ESRRG: variants seen among roughly 807,000 people sequenced by gnomAD.
The protein encoded by ESRRG is estrogen related receptor gamma, also known as estrogen-related receptor gamma.
A neutral mutation model predicts 44.0 loss-of-function variants in ESRRG; 13 were observed. The observed-to-expected ratio is 0.30, with a 90% confidence interval of 0.19 to 0.47. ESRRG has a LOEUF of 0.47. ESRRG is among the 20% of genes least tolerant of loss of function. ESRRG has a pLI of 1.00. For synonymous variants in ESRRG, 215 were observed against 214.6 expected (o/e 1.00, Z -0.02); for missense variants, 395 against 580.6 (o/e 0.68, Z 3.29).
intron 2 of ESRRG, among the ~76,000 whole-genome samples, chr1:216,807,757 G>A (rs2094843428): frequency 1.3e-5 from 2 of 152,016 alleles, no homozygotes. Context: ...TCTTTACAGG[G>A]AGTAGATGGG....
intron 2 of ESRRG, among the ~76,000 whole-genome samples, chr1:216,767,427 G>A (rs2093139297): frequency 6.6e-6 from 1 of 152,066 alleles, no homozygotes; most frequent in African/African-American, 2.4e-5. Flanking sequence ...CACCTGCAAT[G>A]TTTATCATGG....
intron 1 of ESRRG, among the ~76,000 whole-genome samples, chr1:217,136,842 A>G (rs2093056827): frequency 6.6e-6 from 1 of 152,182 alleles, no homozygotes. Context: ...CGCTAAATTT[A>G]TCCTGAATGT....
chr1:217,022,905 G>A (rs2080583284), intron 1 of ESRRG, among the ~76,000 whole-genome samples: 1 of 152,102 alleles, frequency 6.6e-6, no homozygotes, highest in Non-Finnish European at 1.5e-5. Context: ...GGCAGGAAAG[G>A]AGGCAGACTA....
At chr1:216,670,616 A>G (rs2074977842) in intron 2 of ESRRG, among the ~76,000 whole-genome samples, 2 of 152,200 alleles carry the variant, frequency 1.3e-5, no homozygotes, top group Non-Finnish European at 2.9e-5. Context: ...CCACAAGCCC[A>G]TGGAAGTGCC....
At chr1:216,827,622 A>T (rs1576995169) in intron 2 of ESRRG, among the ~76,000 whole-genome samples, 2 of 152,164 alleles carry the variant, frequency 1.3e-5, no homozygotes, top group African/African-American at 4.8e-5. Context: ...AATTCATTTG[A>T]CCTCTTAAAT....
At chr1:216,586,193 C>T (rs12123789) in intron 3 of ESRRG, among the ~76,000 whole-genome samples, 30,202 of 152,036 alleles carry the variant, frequency 0.2, 3,797 homozygotes, top group Non-Finnish European at 0.28. Context: ...ATGAACTTTT[C>T]CACCCTCCAG....
intron 2 of ESRRG, among the ~76,000 whole-genome samples, chr1:216,929,190 T>C (rs1307086429): frequency 6.6e-6 from 1 of 152,208 alleles, no homozygotes; most frequent in Admixed American, 6.5e-5. Context: ...ACCTGATTGT[T>C]TCAGAAGACA....
At chr1:217,031,925 A>C (rs1023879183) in intron 1 of ESRRG, among the ~76,000 whole-genome samples, 3 of 152,194 alleles carry the variant, frequency 2.0e-5, no homozygotes, top group Non-Finnish European at 2.9e-5. Flanking sequence ...TCTTTTCTTT[A>C]TAAATTACTC....
At chr1:216,738,750 C>G (rs1016281326) in intron 2 of ESRRG, among the ~76,000 whole-genome samples, 6 of 152,134 alleles carry the variant, frequency 3.9e-5, no homozygotes, top group Admixed American at 6.6e-5. Flanking sequence ...CTAGGACTCT[C>G]AAAACACTGG....
intron 2 of ESRRG, among the ~76,000 whole-genome samples, chr1:216,853,244 A>G (rs1482360990): frequency 6.6e-6 from 1 of 152,178 alleles, no homozygotes; most frequent in Non-Finnish European, 1.5e-5. Flanking sequence ...AAAAATGACA[A>G]GTCCTTCTGA....
intron 2 of ESRRG, among the ~76,000 whole-genome samples, chr1:216,850,107 T>A (rs1179949892): frequency 1.3e-5 from 2 of 152,136 alleles, no homozygotes; most frequent in African/African-American, 2.4e-5. Context: ...ATGAGCTAAA[T>A]ATTTTTACTG....
intron 1 of ESRRG, among the ~76,000 whole-genome samples, chr1:216,698,895 C>T (rs975399665): frequency 6.6e-6 from 1 of 152,106 alleles, no homozygotes; most frequent in South Asian, 2.1e-4. Flanking sequence ...CTAGCCTACG[C>T]CCACATGTAC....
At chr1:216,513,727 T>A (rs1221405265) in intron 6 of ESRRG, among the ~76,000 whole-genome samples, 1 of 152,100 alleles carries the variant, frequency 6.6e-6, no homozygotes, top group East Asian at 1.9e-4. Context: ...ACCTGCTAGG[T>A]CTTTTCTATT....
chr1:216,517,488 T>C (rs2044692742), intron 6 of ESRRG, among the ~76,000 whole-genome samples: 2 of 152,334 alleles, frequency 1.3e-5, no homozygotes, highest in South Asian at 2.1e-4. Flanking sequence ...TCAGCATTCA[T>C]GGTTAGTTAA....
chr1:217,012,107 C>G (rs2078706486), intron 1 of ESRRG, among the ~76,000 whole-genome samples: 1 of 151,958 alleles, frequency 6.6e-6, no homozygotes, highest in Admixed American at 6.6e-5. Context: ...TGGAGGGGAC[C>G]CATGAAAGTG....
chr1:216,616,424 G>A (rs1265497567), intron 3 of ESRRG, among the ~76,000 whole-genome samples: 3 of 152,168 alleles, frequency 2.0e-5, no homozygotes, highest in African/African-American at 4.8e-5. Context: ...TAAAAAACAA[G>A]CGTGTCTGAT....
At chr1:216,908,721 A>T (rs2059959393) in intron 2 of ESRRG, among the ~76,000 whole-genome samples, 1 of 152,068 alleles carries the variant, frequency 6.6e-6, no homozygotes, top group Admixed American at 6.6e-5. Flanking sequence ...ATTGGGCAAA[A>T]CACAAGATCA....
intron 2 of ESRRG, among the ~76,000 whole-genome samples, chr1:216,795,285 A>G (rs983231477): frequency 6.6e-6 from 1 of 151,624 alleles, no homozygotes; most frequent in East Asian, 1.9e-4. Flanking sequence ...AAACAAATAG[A>G]TGAAAAATAC....
At chr1:216,643,259 C>A (rs1029134319) in intron 3 of ESRRG, among the ~76,000 whole-genome samples, 4 of 152,142 alleles carry the variant, frequency 2.6e-5, no homozygotes, top group Admixed American at 2.0e-4. Flanking sequence ...TGTAGACATG[C>A]ACAAATTGTC....
Sources: gnomAD v4.1 joint callset for allele counts (sites outside exome capture counted in the v4.1 genomes callset) on GRCh38, gnomAD v4.1.1 for gene constraint, MANE v1.5 for transcripts, NCBI Gene and HGNC (gene_info 2026-07-23, HGNC 2026-07-21) for gene names.